The following CDIN1 variants were observed in gnomAD, a reference collection of about 807,000 sequenced individuals.
The protein encoded by CDIN1 is CDAN1-interacting nuclease 1.
CDIN1 carries 33 observed loss-of-function variants against 45.3 expected under a neutral mutation model. The ratio of observed to expected loss-of-function variants is 0.73; its 90% CI spans 0.55 to 0.97. The LOEUF is 0.97. Ranked by LOEUF, CDIN1 falls within the 50% of genes least tolerant of loss-of-function variation. The pLI is 0.00. For missense variants in CDIN1, 303 were observed against 339.4 expected, an observed-to-expected ratio of 0.89 and a Z score of 0.84; for synonymous variants, 118 against 124.4, an observed-to-expected ratio of 0.95 and a Z score of 0.34.
chr15:36,623,434 T>A (rs1047618010), intron 1 of CDIN1, among the ~76,000 whole-genome samples: 6 of 152,272 alleles, frequency 3.9e-5, no homozygotes, highest in African/African-American at 1.4e-4. Context: ...AGTAGTTGCA[T>A]GTTAACTTTA....
chr15:36,810,058 CA>C lies in CDIN1; in HGVS notation c.*1606del, dbSNP rs1566992557. ...GGATACACACACACACACACACACA[CA>C]CTTTATACAAAAATGTTAAAAGCAG... On this transcript the variant is annotated 3_prime_UTR_variant, in exon 11 of 11. Transcript: ENST00000566621. 6.6e-6 allele frequency: 1 copy of C among 151,990 alleles called. No individual in the cohort carries two copies. Among genetic ancestry groups the C allele is most frequent in the Non-Finnish European group, 1.5e-5 (1 of 67,962 alleles). 9.4% of individuals were successfully genotyped at this position (151,990 alleles called of 1,614,324 possible).
chr15:36,749,545 T>C (rs2053401771), intron 10 of CDIN1, among the ~76,000 whole-genome samples: 1 of 152,190 alleles, frequency 6.6e-6, no homozygotes, highest in Non-Finnish European at 1.5e-5. Flanking sequence ...ATAAATGCTG[T>C]CTTATGAAGT....
chr15:36,596,564 T>G (rs188037776), intron 1 of CDIN1, among the ~76,000 whole-genome samples: 1 of 152,276 alleles, frequency 6.6e-6, no homozygotes, highest in Admixed American at 6.5e-5. Flanking sequence ...GTAAAAAAAA[T>G]TAGTTGCCAA....
chr15:36,592,768 A>T (rs79220742), intron 1 of CDIN1, among the ~76,000 whole-genome samples: 10,113 of 151,642 alleles, frequency 0.067, 481 homozygotes, highest in African/African-American at 0.14. Context: ...TTTTTTTTTT[A>T]AAGCCATATA....
intron 5 of CDIN1, among the ~76,000 whole-genome samples, chr15:36,676,646 C>G (rs192905957): frequency 6.6e-6 from 1 of 152,228 alleles, no homozygotes; most frequent in Non-Finnish European, 1.5e-5. Flanking sequence ...TCTGGATACC[C>G]CAGTAAATTT....
chr15:36,751,492 G>C lies in CDIN1; in HGVS notation c.716+41531G>C, dbSNP rs549846688. ...GTGGATCACTTGAGGCCAGGAACTTGAGACCAGCCTGGGCAACATGGTGAG... is the reference window on the plus strand; with the variant it reads ...GTGGATCACTTGAGGCCAGGAACTTCAGACCAGCCTGGGCAACATGGTGAG... On this transcript the variant is annotated intron_variant, in intron 10 of 10. Transcript: ENST00000566621. Among the ~76,000 whole-genome samples the C allele has an allele frequency of 3.4e-4, 52 of 151,060 alleles. 1 individual carries two copies. In the South Asian group the frequency reaches 9.9e-3, roughly 29 times the overall value.
At chr15:36,682,142 A>C (rs2041872104) in intron 5 of CDIN1, among the ~76,000 whole-genome samples, 1 of 151,986 alleles carries the variant, frequency 6.6e-6, no homozygotes, top group South Asian at 2.1e-4. Flanking sequence ...CTCGAGTTAC[A>C]GTTGACAAGC....
intron 10 of CDIN1, among the ~76,000 whole-genome samples, chr15:36,805,693 T>C (rs138446056): frequency 1.4e-3 from 214 of 152,322 alleles, no homozygotes; most frequent in African/African-American, 4.9e-3. Context: ...AGTTGCTTAA[T>C]GTGGTCAGCC....
intron 8 of CDIN1, among the ~76,000 whole-genome samples, chr15:36,699,442 T>C (rs971134730): frequency 1.3e-5 from 2 of 152,190 alleles, no homozygotes; most frequent in Admixed American, 1.3e-4. Context: ...CTTGTTTACA[T>C]GTGTACACCT....
chr15:36,641,458 TCACA>T (rs1392410909), intron 1 of CDIN1: 1 of 152,256 alleles, frequency 6.6e-6, no homozygotes, highest in Admixed American at 6.5e-5. Flanking sequence ...TTGGGTCCAC[TCACA>T]TGCTCTCCTT....
chr15:36,793,629 G>A (rs762972984), intron 10 of CDIN1, among the ~76,000 whole-genome samples: 8 of 152,210 alleles, frequency 5.3e-5, no homozygotes, highest in Non-Finnish European at 7.3e-5. Flanking sequence ...ATCCAGCCCT[G>A]CAGTTTTCTG....
At chr15:36,718,672 T>A (rs533623430) in intron 10 of CDIN1, among the ~76,000 whole-genome samples, 5 of 152,102 alleles carry the variant, frequency 3.3e-5, no homozygotes, top group African/African-American at 9.7e-5. Flanking sequence ...GGAATACAAT[T>A]GATTTTGTAT....
At chr15:36,610,358 T>C (rs1009609054) in intron 1 of CDIN1, among the ~76,000 whole-genome samples, 1 of 152,236 alleles carries the variant, frequency 6.6e-6, no homozygotes, top group Non-Finnish European at 1.5e-5. Flanking sequence ...GATTCTTAAA[T>C]TGTGCCTTTA....
chr15:36,808,481 G>C lies in CDIN1; in HGVS notation c.*28G>C, dbSNP rs146822631. 41 of 1,612,120 alleles carry C rather than the reference G, an allele frequency of 2.5e-5. No individual in the cohort carries two copies. In the East Asian group the frequency reaches 9.1e-4, roughly 36 times the overall value. On this transcript the variant is annotated 3_prime_UTR_variant, in exon 11 of 11. Coordinates refer to ENST00000566621, the MANE Select transcript of CDIN1 (RefSeq NM_001321759.2). Reference sequence around the variant, plus strand: ...CTGAAGATCCTGGAAGAGAAGCTGGGAGGAAAAGGTGAATCCGGAAGCAAT... The same window carrying C: ...CTGAAGATCCTGGAAGAGAAGCTGGCAGGAAAAGGTGAATCCGGAAGCAAT...
chr15:36,805,869 C>G (rs566692327), intron 10 of CDIN1, among the ~76,000 whole-genome samples: 1 of 152,270 alleles, frequency 6.6e-6, no homozygotes, highest in Admixed American at 6.5e-5. Context: ...CTCTAAAGTC[C>G]TTACTGCTTT....
chr15:36,767,005 A>T (rs2053942692), intron 10 of CDIN1, among the ~76,000 whole-genome samples: 1 of 152,112 alleles, frequency 6.6e-6, no homozygotes, highest in Admixed American at 6.6e-5. Context: ...CTAGGAAATC[A>T]TTGTCAAGAC....
chr15:36,628,828 C>T (rs1051004196), intron 1 of CDIN1, among the ~76,000 whole-genome samples: 4 of 152,260 alleles, frequency 2.6e-5, no homozygotes, highest in East Asian at 1.9e-4. Flanking sequence ...ATGTAATTAA[C>T]TTAAGGATCT....
intron 10 of CDIN1, among the ~76,000 whole-genome samples, chr15:36,765,234 T>G (rs1251297400): frequency 6.6e-6 from 1 of 151,920 alleles, no homozygotes; most frequent in African/African-American, 2.4e-5. Flanking sequence ...TTTTGTATTT[T>G]TAGTAGAGAT....
rs2042306255 is a variant in CDIN1 at position 36,692,974 on chromosome 15, G to A, written c.476+799G>A. Among the ~76,000 whole-genome samples the A allele has an allele frequency of 2.0e-5, 3 of 152,190 alleles. No individual in the cohort carries two copies. The South Asian group carries it at 6.2e-4, about 32-fold the overall frequency. On this transcript the variant is annotated intron_variant, in intron 7 of 10. Transcript: ENST00000566621. ...TTTTATGAGAATAATTTCTATCCGAGTCCATGAATTTCACCCCTCTTAATA... is the reference window on the plus strand; with the variant it reads ...TTTTATGAGAATAATTTCTATCCGAATCCATGAATTTCACCCCTCTTAATA...
Sources: gnomAD v4.1 joint callset for allele counts (sites outside exome capture counted in the v4.1 genomes callset) on GRCh38, gnomAD v4.1.1 for gene constraint, MANE v1.5 for transcripts, NCBI Gene and HGNC (gene_info 2026-07-23, HGNC 2026-07-21) for gene names.